KANK1: variants seen among roughly 807,000 people sequenced by gnomAD.
The protein encoded by KANK1 is KN motif and ankyrin repeat domain-containing protein 1.
A neutral mutation model predicts 106.2 loss-of-function variants in KANK1; 109 were observed. That is an observed-to-expected ratio of 1.03 (90% confidence interval 0.88 to 1.20). The LOEUF is 1.20. Among genes scored for constraint, KANK1 ranks in the 50% most tolerant of loss-of-function variants. The pLI, the probability that KANK1 is intolerant of heterozygous loss-of-function variation, is 0.00. For synonymous variants in KANK1, 873 were observed against 652.2 expected, an observed-to-expected ratio of 1.34 and a Z score of -5.16; for missense variants, 2,399 against 1,710.7, an observed-to-expected ratio of 1.40 and a Z score of -7.10.
At chr9:596,510 T>A (rs528634465) in intron 1 of KANK1, among the ~76,000 whole-genome samples, 1 of 151,844 alleles carries the variant, frequency 6.6e-6, no homozygotes, top group South Asian at 2.1e-4. Context: ...ACGGAGCCAG[T>A]GATTATTTAC....
At chr9:729,962 T>A in intron 3 of KANK1, 89 bp from the exon 4 acceptor site, 1 of 1,158,362 alleles carries the variant, frequency 8.6e-7, no homozygotes, top group Admixed American at 2.4e-5. Flanking sequence ...AGTCCCATTT[T>A]AAATTATGAG....
At chr9:684,395 A>G in intron 2 of KANK1, 3 of 985,362 alleles carry the variant, frequency 3.0e-6, no homozygotes, top group Non-Finnish European at 3.6e-6. Flanking sequence ...AGGTGCCAAC[A>G]AGAAAGAAAG....
Position 712,250 on chromosome 9 carries a change from CTGG to C in KANK1, c.1485_1487del (p.Gly496del), listed in dbSNP as rs760406323. On this transcript the variant is annotated inframe_deletion, in exon 3 of 12. Coordinates refer to ENST00000382297, the MANE Select transcript of KANK1 (RefSeq NM_015158.5). ...AAACTGAAACAAGAGCTGCAGGCTG[CTGG>C]ATCGAGGAAAAAGGTTGACAAAGCC... The C allele has an allele frequency of 6.3e-5, 102 of 1,614,006 alleles. No homozygotes were observed. The highest frequency in any genetic ancestry group is 7.8e-5 in the Non-Finnish European group (92 of 1,180,012).
intron 1 of KANK1, among the ~76,000 whole-genome samples, chr9:665,077 A>G (rs7021513): frequency 0.025 from 3,746 of 152,202 alleles, 164 homozygotes; most frequent in African/African-American, 0.086. Context: ...ATCTTGTCAG[A>G]TGGGTAGTTT....
At chr9:739,225 A>C (rs547400674) in intron 8 of KANK1, among the ~76,000 whole-genome samples, 1 of 152,348 alleles carries the variant, frequency 6.6e-6, no homozygotes, top group East Asian at 1.9e-4. Context: ...GCCTGATGCC[A>C]CATAGACCCC....
chr9:660,981 C>G (rs10758795), intron 1 of KANK1, among the ~76,000 whole-genome samples: 127,331 of 151,900 alleles, frequency 0.84, 53,496 homozygotes, highest in East Asian at 0.97. Flanking sequence ...GGGAACAAAT[C>G]TCAAAACTGA....
intron 1 of KANK1, among the ~76,000 whole-genome samples, chr9:599,279 A>G (rs1026205895): frequency 2.6e-5 from 4 of 151,502 alleles, no homozygotes; most frequent in Non-Finnish European, 5.9e-5. Context: ...CAGCCTCCCA[A>G]AGTGCTGGGA....
intron 1 of KANK1, among the ~76,000 whole-genome samples, chr9:656,906 A>G (rs1461542838): frequency 6.6e-6 from 1 of 152,180 alleles, no homozygotes; most frequent in Admixed American, 6.5e-5. Context: ...TGAAAAACAC[A>G]TAGCATAGAT....
At chr9:480,819 G>T (rs570928967) in intron 3 of KANK1, among the ~76,000 whole-genome samples, 84 of 152,294 alleles carry the variant, frequency 5.5e-4, no homozygotes, top group Non-Finnish European at 8.8e-4. Context: ...ATTCCTTAAG[G>T]GGTTGGGCAG....
chr9:713,809 C>G (rs1028842199), intron 3 of KANK1, among the ~76,000 whole-genome samples: 1 of 126,716 alleles, frequency 7.9e-6, no homozygotes, highest in Non-Finnish European at 1.8e-5. Flanking sequence ...ATAGAACTGC[C>G]TTTAAAAAAT....
At chr9:742,526 C>T (rs1034849095) in intron 10 of KANK1, 121 bp downstream of exon 10, 27 of 723,776 alleles carry the variant, frequency 3.7e-5, no homozygotes, top group Non-Finnish European at 5.6e-5. Context: ...GGATTTGTGT[C>T]GCCATCTAGG....
chr9:499,515 G>C (rs1293065287), intron 3 of KANK1, among the ~76,000 whole-genome samples: 2 of 152,156 alleles, frequency 1.3e-5, no homozygotes, highest in African/African-American at 4.8e-5. Flanking sequence ...CCCAGACCTT[G>C]GAGATCCTCC....
chr9:647,644 G>C (rs866419241), intron 1 of KANK1, among the ~76,000 whole-genome samples: 2 of 150,728 alleles, frequency 1.3e-5, no homozygotes, highest in South Asian at 4.1e-4. Flanking sequence ...TGTCAAATGA[G>C]GGGAAACATT....
chr9:676,444 T>C (rs984903126), intron 1 of KANK1, among the ~76,000 whole-genome samples: 1 of 152,208 alleles, frequency 6.6e-6, no homozygotes, highest in African/African-American at 2.4e-5. Flanking sequence ...AGAATTTCCA[T>C]GAAGTTAATC....
At chr9:651,876 A>C (rs932869817) in intron 1 of KANK1, among the ~76,000 whole-genome samples, 2 of 152,228 alleles carry the variant, frequency 1.3e-5, no homozygotes, top group African/African-American at 4.8e-5. Context: ...AATGAAAAAT[A>C]AATGTAGAAT....
chr9:693,757 GA>G (rs1409651921), intron 2 of KANK1: 6 of 985,258 alleles, frequency 6.1e-6, no homozygotes, highest in Non-Finnish European at 7.2e-6. Context: ...CCTGCTCGCT[GA>G]AAATCACAGT....
intron 1 of KANK1, among the ~76,000 whole-genome samples, chr9:638,152 TACAA>T (rs1437251982): frequency 2.0e-5 from 3 of 152,328 alleles, no homozygotes; most frequent in Middle Eastern, 3.4e-3. Flanking sequence ...ATCCTTAAGA[TACAA>T]ACAAAGCAGT....
rs940257049 is a variant in KANK1 at position 572,797 on chromosome 9, G to T, written c.-84+68043G>T. On this transcript the variant is annotated intron_variant, in intron 1 of 11. Transcript: ENST00000382297. ...GTTTTAACTCATGAGTTAAAACATCGCTGTTTCTGGCATAACGGTCTTCCC... is the reference window on the plus strand; with the variant it reads ...GTTTTAACTCATGAGTTAAAACATCTCTGTTTCTGGCATAACGGTCTTCCC... Among the ~76,000 whole-genome samples the T allele has an allele frequency of 6.6e-5, 10 of 152,112 alleles. No homozygotes were observed. In the South Asian group the frequency reaches 1.5e-3, roughly 22 times the overall value.
intron 3 of KANK1, among the ~76,000 whole-genome samples, chr9:482,037 C>A (rs143194869): frequency 2.6e-4 from 40 of 152,222 alleles, no homozygotes; most frequent in African/African-American, 9.6e-4. Flanking sequence ...TTCTGAGCCT[C>A]CTCCTCAGCC....
Sources: allele counts gnomAD v4.1 joint callset (sites outside exome capture counted in the v4.1 genomes callset), GRCh38; gene constraint gnomAD v4.1.1; transcripts MANE v1.5; gene names NCBI Gene and HGNC (gene_info 2026-07-23, HGNC 2026-07-21).